Variants in SEC23IP observed in about 807,000 individuals in gnomAD.
The protein encoded by SEC23IP is SEC23 interacting protein.
In SEC23IP, 70 loss-of-function variants were observed where a neutral mutation model predicts 113.4. The observed-to-expected ratio is 0.62, with a 90% CI of 0.51 to 0.75. SEC23IP has a LOEUF of 0.75. Among genes scored for constraint, SEC23IP ranks in the 30% least tolerant of loss-of-function variants. The pLI is 0.00. For missense variants in SEC23IP, 1,160 were observed against 1,204.9 expected (o/e 0.96, Z 0.55); for synonymous variants, 398 against 421.0 (o/e 0.95, Z 0.67).
rs1396847874 is a variant in SEC23IP, at chr10:119,932,988, A to G, written c.2759-17A>G. The G allele has an allele frequency of 6.2e-7, 1 of 1,607,066 alleles. No individual in the cohort carries two copies. Among genetic ancestry groups the G allele is most frequent in the Admixed American group, 1.7e-5 (1 of 59,296 alleles). On this transcript the variant is annotated splice_polypyrimidine_tract_variant and intron_variant, in intron 16 of 18. Transcript: ENST00000369075. Reference sequence around the variant, plus strand: ...ATTAAGTGATTGACTTTGATATTGAAATGGTTTAAATTCTAGCAGAAAAGG... The same window carrying G: ...ATTAAGTGATTGACTTTGATATTGAGATGGTTTAAATTCTAGCAGAAAAGG...
At chr10:119,923,060 T>C (rs891814342) in intron 12 of SEC23IP, among the ~76,000 whole-genome samples, 8 of 151,180 alleles carry the variant, frequency 5.3e-5, no homozygotes, top group Admixed American at 5.3e-4. Context: ...CCCTACACCA[T>C]GTTCTTAATT....
chr10:119,892,745 G>C lies in SEC23IP; in HGVS notation c.-38G>C. On this transcript the variant is annotated 5_prime_UTR_variant, in exon 1 of 19. Transcript: ENST00000369075. ...GTTTCCGGTCAGTGGTGTGGTACCG[G>C]GTACCCGGAGACGTGTATCGGACGG... 2 of 1,570,810 alleles carry C rather than the reference G, an allele frequency of 1.3e-6. No individual in the cohort carries two copies. Among genetic ancestry groups the C allele is most frequent in the Non-Finnish European group, 1.7e-6 (2 of 1,157,024 alleles).
chr10:119,910,472 A>G lies in SEC23IP; in HGVS notation c.1191+1342A>G, dbSNP rs144700754. ...TTAGCACACAGTAGTTTCTGAGAAC[A>G]TAGGCTTTTTATTTATTCATTTGTT... On this transcript the variant is annotated intron_variant, in intron 5 of 18. Transcript: ENST00000369075. Among the ~76,000 whole-genome samples, 1,211 of 152,328 alleles carry G rather than the reference A, an allele frequency of 7.9e-3. 6 individuals carry two copies. Among genetic ancestry groups the G allele is most frequent in the African/African-American group, 0.017 (704 of 41,592 alleles).
chr10:119,943,784 T>C lies in SEC23IP; in HGVS notation c.*3219T>C, dbSNP rs1856016290. On this transcript the variant is annotated 3_prime_UTR_variant, in exon 19 of 19. Transcript: ENST00000369075. ...TTTCACATATTTCAATATATGAAAT[T>C]TTATGATGACACATAAAACAGGCCA... 6.6e-6 allele frequency: 1 copy of C among 152,152 alleles called. No individual in the cohort carries two copies. The highest frequency in any genetic ancestry group is 1.5e-5 in the Non-Finnish European group (1 of 68,038). 9.4% of individuals were successfully genotyped at this position (152,152 alleles called of 1,614,324 possible). A position where few individuals can be genotyped will look rare whatever the true frequency, so the allele number is the denominator to read the frequency against.
chr10:119,902,887 T>C lies in SEC23IP; in HGVS notation c.785T>C (p.Leu262Pro). 1 of 1,614,214 alleles carries C rather than the reference T, an allele frequency of 6.2e-7. No individual in the cohort carries two copies. Among genetic ancestry groups the C allele is most frequent in the African/African-American group, 1.3e-5 (1 of 75,062 alleles). Residue 262 changes from leucine to proline, a missense_variant, in exon 3 of 19, where the codon CTT (leucine) becomes CCT (proline). Physicochemically the swap from Leu to Pro is moderately conservative, Grantham distance 98. Coordinates refer to ENST00000369075, the MANE Select transcript of SEC23IP (RefSeq NM_007190.4). ...GTTCAAGTGCCATCTCCTTTTCTACTTCAAAACCAATATGAGCCTGTTCAG... is the reference window on the plus strand; with the variant it reads ...GTTCAAGTGCCATCTCCTTTTCTACCTCAAAACCAATATGAGCCTGTTCAG... Reference protein sequence around the residue: ...PSVQVPSPFLLQNQYEPVQPH... With the variant: ...PSVQVPSPFLPQNQYEPVQPH...
intron 8 of SEC23IP, among the ~76,000 whole-genome samples, chr10:119,916,363 C>T (rs1393430288): frequency 6.6e-6 from 1 of 152,154 alleles, no homozygotes; most frequent in Non-Finnish European, 1.5e-5. Flanking sequence ...AGTGTAAAGG[C>T]CACTCAGTAC....
chr10:119,919,461 G>C lies in SEC23IP; in HGVS notation c.1890G>C (p.Lys630Asn), dbSNP rs892978455. ...FQEKQMPEEP[K>N]LTLDESYDLV... ...TTTTAAAGATGCCTGAAGAGCCAAA[G>C]CTGACTTTGGATGAGTCGTATGACC... The change falls in exon 11 of 19, where the codon AAG becomes AAC. Residue 630 changes from lysine to asparagine, a missense_variant. Coordinates refer to ENST00000369075, the MANE Select transcript of SEC23IP (RefSeq NM_007190.4). 5.6e-6 allele frequency: 9 copies of C among 1,597,718 alleles called. No homozygotes were observed. The highest frequency in any genetic ancestry group is 7.7e-6 in the Non-Finnish European group (9 of 1,176,002).
At position 119,926,190 on chromosome 10, in the gene SEC23IP, G is replaced by C; in HGVS notation, c.2276G>C (p.Cys759Ser). ...GTTGGTGCTTGCGTGTCTTCTGTGTGTGTGAATTATGAATCTTTTGAAGTT... is the reference window on the plus strand; with the variant it reads ...GTTGGTGCTTGCGTGTCTTCTGTGTCTGTGAATTATGAATCTTTTGAAGTT... Reference protein sequence around the residue: ...LPVGACVSSVCVNYESFEVGA... With the variant: ...LPVGACVSSVSVNYESFEVGA... Residue 759 changes from cysteine (C) to serine (S), a missense_variant, in exon 13 of 19, where the codon TGT becomes TCT. Cys to Ser is a moderately radical substitution (Grantham distance 112). Coordinates refer to ENST00000369075, the MANE Select transcript of SEC23IP (RefSeq NM_007190.4). 2.5e-6 allele frequency: 4 copies of C among 1,614,138 alleles called. No homozygotes were observed. The highest frequency in any genetic ancestry group is 3.4e-6 in the Non-Finnish European group (4 of 1,179,990).
chr10:119,905,719 G>A (rs1293354638), intron 4 of SEC23IP, among the ~76,000 whole-genome samples: 1 of 152,156 alleles, frequency 6.6e-6, no homozygotes, highest in Non-Finnish European at 1.5e-5. Context: ...TATTGTCTAC[G>A]TGGAAAATCA....
chr10:119,900,831 T>G (rs1261569314), intron 2 of SEC23IP, among the ~76,000 whole-genome samples: 1 of 152,092 alleles, frequency 6.6e-6, no homozygotes, highest in African/African-American at 2.4e-5. Context: ...GTAGAAAATT[T>G]GAAAAATGCA....
At chr10:119,922,450 C>T in intron 12 of SEC23IP, among the ~76,000 whole-genome samples, 1 of 152,124 alleles carries the variant, frequency 6.6e-6, no homozygotes, top group East Asian at 1.9e-4. Flanking sequence ...TGCTGACCTG[C>T]TTATTCTATC....
intron 1 of SEC23IP, among the ~76,000 whole-genome samples, chr10:119,893,882 C>T (rs1164976896): frequency 6.6e-6 from 1 of 152,194 alleles, no homozygotes; most frequent in East Asian, 1.9e-4. Flanking sequence ...TAGGCCCCCA[C>T]TCCTATGTGC....
chr10:119,916,058 T>G (rs1855041358), intron 8 of SEC23IP, among the ~76,000 whole-genome samples, 169 bp downstream of exon 8: 1 of 152,242 alleles, frequency 6.6e-6, no homozygotes, highest in Admixed American at 6.6e-5. Flanking sequence ...TACTTTTCTC[T>G]CTGTGTGTGT....
chr10:119,925,092 G>A (rs1366167756), intron 12 of SEC23IP, among the ~76,000 whole-genome samples: 1 of 152,158 alleles, frequency 6.6e-6, no homozygotes, highest in Non-Finnish European at 1.5e-5. Flanking sequence ...GATCTTCAGT[G>A]TGCAGTAGGG....
intron 4 of SEC23IP, among the ~76,000 whole-genome samples, chr10:119,905,462 G>A (rs1430173446): frequency 1.3e-5 from 2 of 152,136 alleles, no homozygotes; most frequent in African/African-American, 2.4e-5. Flanking sequence ...TCCACATACT[G>A]ACCACTGCAG....
chr10:119,930,441 A>G lies in SEC23IP; in HGVS notation c.2572+10A>G, dbSNP rs1384254614. 1.3e-6 allele frequency: 2 copies of G among 1,525,032 alleles called. No homozygotes were observed. The highest frequency in any genetic ancestry group is 2.3e-5 in the East Asian group (1 of 44,356). 94.5% of individuals were successfully genotyped at this position (1,525,032 alleles called of 1,614,324 possible). A position where few individuals can be genotyped will look rare whatever the true frequency, so the allele number is the denominator to read the frequency against. The stretch of plus-strand genomic sequence containing the variant: ...AAAAGACTTCATTTAGGTAAAAAGC[A>G]AATACTATAAAAACTTTTTTTCCTG... On this transcript the variant is annotated intron_variant, in intron 15 of 18. Coordinates refer to ENST00000369075, the MANE Select transcript of SEC23IP (RefSeq NM_007190.4).
intron 12 of SEC23IP, among the ~76,000 whole-genome samples, chr10:119,924,580 G>A (rs919914949): frequency 6.6e-6 from 1 of 151,370 alleles, no homozygotes; most frequent in Non-Finnish European, 1.5e-5. Flanking sequence ...CACCATGCCC[G>A]GGTAATTTTT....
intron 14 of SEC23IP, 104 bp from the exon 15 acceptor site, chr10:119,930,225 T>C: frequency 1.8e-6 from 1 of 550,964 alleles, no homozygotes; most frequent in Non-Finnish European, 3.2e-6. Flanking sequence ...AAAATAAAAA[T>C]CTCTGATTTG....
rs756942868 is a variant in SEC23IP, at chr10:119,929,691, C to T, written c.2398C>T (p.Arg800Ter). ...TCCAATTGCTATGTTTCTCACTATT[C>T]GAGGAGTTGATAGGATAGATGAGAA... is the stretch of plus-strand genomic sequence containing the variant. ...GSPIAMFLTI[R>*]GVDRIDENYS... Residue 800 changes from arginine to a stop codon, truncating the protein, a stop_gained, in exon 14 of 19, where the codon CGA becomes TGA. Coordinates refer to ENST00000369075, the MANE Select transcript of SEC23IP (RefSeq NM_007190.4). LOFTEE classifies it high-confidence loss of function. 6.9e-6 allele frequency: 11 copies of T among 1,602,268 alleles called. No homozygotes were observed. Among genetic ancestry groups the T allele is most frequent in the South Asian group, 1.1e-5 (1 of 90,844 alleles).
Sources: allele counts gnomAD v4.1 joint callset (sites outside exome capture counted in the v4.1 genomes callset), GRCh38; gene constraint gnomAD v4.1.1; transcripts MANE v1.5; gene names NCBI Gene and HGNC (gene_info 2026-07-23, HGNC 2026-07-21).